The following DNAH6 variants were observed in gnomAD, a reference collection of about 807,000 sequenced individuals.
The protein encoded by DNAH6 is axonemal beta dynein heavy chain 6.
A neutral mutation model predicts 491.4 loss-of-function variants in DNAH6; 340 were observed. That is an observed-to-expected ratio of 0.69 (90% CI 0.63 to 0.76). The LOEUF is 0.76. Ranked by LOEUF, DNAH6 falls within the 30% of genes least tolerant of loss-of-function variation. DNAH6 has a pLI of 0.00. For synonymous variants in DNAH6, 1,603 were observed against 1,686.1 expected (o/e 0.95, Z 1.21); for missense variants, 4,443 against 4,972.2 (o/e 0.89, Z 3.20).
intron 62 of DNAH6, among the ~76,000 whole-genome samples, chr2:84,742,311 G>T (rs568737355): frequency 2.0e-5 from 3 of 152,220 alleles, no homozygotes; most frequent in South Asian, 4.1e-4. Context: ...GTAGGATTTT[G>T]TTGTTGTTTT....
Position 84,685,360 on chromosome 2 carries a change from A to G in DNAH6, c.6951A>G (p.Glu2317=). The G allele has an allele frequency of 6.6e-7, 1 of 1,521,844 alleles. No homozygotes were observed. The highest frequency in any genetic ancestry group is 8.9e-7 in the Non-Finnish European group (1 of 1,129,406). 94.3% of individuals were successfully genotyped at this position (1,521,844 alleles called of 1,614,324 possible). ...AATGTGATCCAGGAACAATAAGAGA[A>G]GAAATTCAGATATTTAGACTCTTTT... is the stretch of plus-strand genomic sequence containing the variant. ...ILQCDPGTIR[E]EIQIFRLFCH... The change falls in exon 43 of 77, where the codon GAA becomes GAG. Residue 2317 remains glutamate, a synonymous_variant. Coordinates refer to ENST00000389394, the MANE Select transcript of DNAH6 (RefSeq NM_001370.2).
At chr2:84,470,049 C>T in the DNAH6 span, among the ~76,000 whole-genome samples, 2 of 152,160 alleles carry the variant, frequency 1.3e-5, no homozygotes, top group African/African-American at 4.8e-5. Flanking sequence ...CCATTCTTTA[C>T]CTGAGTATAT....
At chr2:84,561,678 C>T (rs967194982) in intron 11 of DNAH6, among the ~76,000 whole-genome samples, 1 of 152,104 alleles carries the variant, frequency 6.6e-6, no homozygotes, top group Non-Finnish European at 1.5e-5. Context: ...CTACAATGAA[C>T]TCAAACAAAT....
At chr2:84,553,268 A>G (rs1371053562) in intron 10 of DNAH6, among the ~76,000 whole-genome samples, 2 of 152,220 alleles carry the variant, frequency 1.3e-5, no homozygotes, top group Non-Finnish European at 2.9e-5. Context: ...ACAGAAAAAC[A>G]TTCTATACAA....
intron 2 of DNAH6, among the ~76,000 whole-genome samples, chr2:84,525,258 T>G (rs190358617): frequency 3.1e-4 from 47 of 152,172 alleles, no homozygotes; most frequent in African/African-American, 1.1e-3. Context: ...TGATGGGGGT[T>G]TGTAATGGAT....
intron 59 of DNAH6, among the ~76,000 whole-genome samples, chr2:84,720,391 G>T (rs990674199): frequency 1.4e-5 from 2 of 140,294 alleles, no homozygotes; most frequent in African/African-American, 2.6e-5. Context: ...CCATTCTCCT[G>T]CCTCAGCCTC....
At chr2:84,532,795 A>G (rs978181994) in intron 4 of DNAH6, among the ~76,000 whole-genome samples, 2 of 152,182 alleles carry the variant, frequency 1.3e-5, no homozygotes, top group African/African-American at 4.8e-5. Context: ...AAAAACTTTT[A>G]AAAATGATAT....
rs181135451 is a variant in DNAH6 at position 84,731,417 on chromosome 2, G to A, written c.10207-2027G>A. On this transcript the variant is annotated intron_variant, in intron 61 of 76. Coordinates refer to ENST00000389394, the MANE Select transcript of DNAH6 (RefSeq NM_001370.2). The stretch of plus-strand genomic sequence containing the variant: ...GCTCCACGTTTGGTGCAGCATCACT[G>A]TTGTCCCAGCTCCTAAGATAGTAAT... Among the ~76,000 whole-genome samples the A allele has an allele frequency of 2.7e-3, 414 of 152,344 alleles. 3 individuals are homozygous for A. The highest frequency in any genetic ancestry group is 9.7e-3 in the African/African-American group (404 of 41,582).
chr2:84,763,847 G>C (rs1674825812), intron 64 of DNAH6, among the ~76,000 whole-genome samples: 1 of 151,904 alleles, frequency 6.6e-6, no homozygotes, highest in South Asian at 2.1e-4. Flanking sequence ...CCAAAAGCCT[G>C]AGAGCCAGGA....
At chr2:84,726,402 G>T (rs548849554) in intron 60 of DNAH6, among the ~76,000 whole-genome samples, 3 of 152,080 alleles carry the variant, frequency 2.0e-5, no homozygotes, top group Non-Finnish European at 2.9e-5. Flanking sequence ...TCCTTGCCCC[G>T]TGACTTCCAT....
At chr2:84,812,109 T>G (rs1011487628) in intron 72 of DNAH6, among the ~76,000 whole-genome samples, 1 of 152,238 alleles carries the variant, frequency 6.6e-6, no homozygotes, top group Non-Finnish European at 1.5e-5. Context: ...TTCTTTCCAC[T>G]GCACTGGACT....
chr2:84,707,019 G>A lies in DNAH6; in HGVS notation c.8851G>A (p.Ala2951Thr), dbSNP rs916540376. The A allele has an allele frequency of 1.4e-5, 21 of 1,501,568 alleles. No individual in the cohort carries two copies. Among genetic ancestry groups the A allele is most frequent in the Non-Finnish European group, 1.9e-5 (21 of 1,133,270 alleles). The allele number at this position is 1,501,568 out of a possible 1,614,324, so 93.0% of individuals were successfully genotyped here. A position where few individuals can be genotyped will look rare whatever the true frequency, so the allele number is the denominator to read the frequency against. ...DKGVNEKESL[A>T]KTMALTKARL... ...AGGTGTAAATGAAAAAGAAAGCCTG[G>A]GTAAGTAACTCATAAAATTTACATT... Residue 2951 changes from alanine (A) to threonine (T), a missense_variant and splice_region_variant, in exon 53 of 77, where the codon GCA becomes ACA. Around this residue, in one of 3 missense-constraint regions of DNAH6, gnomAD observed 1,463 missense variants for 1,656.6 expected, o/e 0.88. Transcript: ENST00000389394.
At chr2:84,498,502 T>TA in the DNAH6 span, among the ~76,000 whole-genome samples, 11 of 149,840 alleles carry the variant, frequency 7.3e-5, no homozygotes, top group African/African-American at 1.7e-4. Context: ...CCTGCTCAAG[T>TA]AAAAAAAAAA....
At chr2:84,794,158 C>T (rs1421881691) in intron 68 of DNAH6, among the ~76,000 whole-genome samples, 1 of 152,138 alleles carries the variant, frequency 6.6e-6, no homozygotes, top group East Asian at 1.9e-4. Context: ...CTTCCTTACA[C>T]CTTATACAAA....
Position 84,707,679 on chromosome 2 carries a change from C to A in DNAH6, c.9011C>A (p.Ala3004Asp). The part of the protein sequence containing the change: ...GNVFIAAACV[A>D]YYGAFTAQYR... Reference sequence around the variant, plus strand: ...GTGTTCATAGCAGCAGCTTGTGTGGCCTACTATGGGGCTTTCACAGCCCAG... The same window carrying A: ...GTGTTCATAGCAGCAGCTTGTGTGGACTACTATGGGGCTTTCACAGCCCAG... The change falls in exon 54 of 77, where the codon GCC becomes GAC. Residue 3004 changes from alanine (A) to aspartate (D), a missense_variant. Transcript: ENST00000389394. 1 of 1,552,292 alleles carries A rather than the reference C, an allele frequency of 6.4e-7. No homozygotes were observed.
intron 76 of DNAH6, among the ~76,000 whole-genome samples, chr2:84,817,381 C>G (rs1680595022): frequency 6.6e-6 from 1 of 152,154 alleles, no homozygotes; most frequent in Non-Finnish European, 1.5e-5. Context: ...CAAAACACAA[C>G]CAAACCATCT....
chr2:84,664,202 A>C (rs143479721), intron 37 of DNAH6, among the ~76,000 whole-genome samples: 1,782 of 152,270 alleles, frequency 0.012, 35 homozygotes, highest in African/African-American at 0.039. Context: ...AACGAGCAAA[A>C]TAACCAGCTA....
At chr2:84,650,747 C>G (rs955256096) in intron 33 of DNAH6, among the ~76,000 whole-genome samples, 1 of 152,122 alleles carries the variant, frequency 6.6e-6, no homozygotes, top group African/African-American at 2.4e-5. Flanking sequence ...ATTTGTCAGA[C>G]AGTTTTAACG....
chr2:84,564,419 C>G (rs1680969594), intron 11 of DNAH6, among the ~76,000 whole-genome samples: 1 of 152,002 alleles, frequency 6.6e-6, no homozygotes, highest in African/African-American at 2.4e-5. Context: ...TGGCTGTATT[C>G]CTGGGCATTT....
Sources: allele counts gnomAD v4.1 joint callset (sites outside exome capture counted in the v4.1 genomes callset), GRCh38; gene constraint gnomAD v4.1.1; regional missense constraint gnomAD v4.1.1; transcripts MANE v1.5; gene names NCBI Gene and HGNC (gene_info 2026-07-23, HGNC 2026-07-21).